Variants in PREX1 observed in about 807,000 individuals in gnomAD.
PREX1 encodes the protein phosphatidylinositol-3,4,5-trisphosphate dependent Rac exchange factor 1, also known as phosphatidylinositol 3,4,5-trisphosphate-dependent Rac exchanger 1 protein.
Under a neutral mutation model 198.3 loss-of-function variants are expected in PREX1, and 41 were observed. The ratio of observed to expected loss-of-function variants is 0.21; its 90% CI spans 0.16 to 0.27. PREX1 has a LOEUF of 0.27. Among genes scored for constraint, PREX1 ranks in the 10% least tolerant of loss-of-function variants. The pLI, the probability that PREX1 is intolerant of heterozygous loss-of-function variation, is 1.00. For synonymous variants in PREX1, 843 were observed against 887.2 expected (o/e 0.95, Z 0.89); for missense variants, 1,620 against 2,200.7 (o/e 0.74, Z 5.28).
chr20:48,736,763 G>T (rs949297675), intron 3 of PREX1, among the ~76,000 whole-genome samples: 2 of 152,190 alleles, frequency 1.3e-5, no homozygotes, highest in Admixed American at 1.3e-4. Context: ...CTATTTTGTT[G>T]TAGGTGACAG....
the PREX1 span, among the ~76,000 whole-genome samples, chr20:48,873,154 T>C: frequency 7.9e-5 from 12 of 152,294 alleles, no homozygotes; most frequent in East Asian, 1.2e-3. Context: ...TTGGGACTTG[T>C]GGGCTACTCA....
intron 35 of PREX1, among the ~76,000 whole-genome samples, chr20:48,631,301 G>A (rs1374717439): frequency 6.6e-6 from 1 of 152,244 alleles, no homozygotes; most frequent in African/African-American, 2.4e-5. Context: ...ATGAGTGAAT[G>A]CAGGTGTGCT....
At chr20:48,843,838 T>G in the PREX1 span, among the ~76,000 whole-genome samples, 20 of 152,178 alleles carry the variant, frequency 1.3e-4, no homozygotes, top group Non-Finnish European at 2.5e-4. Flanking sequence ...AAATTTGGAC[T>G]GCCAAGTCCA....
At chr20:48,720,621 T>G (rs981695505) in intron 5 of PREX1, among the ~76,000 whole-genome samples, 2 of 152,056 alleles carry the variant, frequency 1.3e-5, no homozygotes, top group African/African-American at 4.8e-5. Context: ...CCATCCTACA[T>G]AAAGTCTGCT....
chr20:48,743,429 G>A (rs192651143), intron 3 of PREX1, among the ~76,000 whole-genome samples: 4 of 152,186 alleles, frequency 2.6e-5, no homozygotes, highest in African/African-American at 4.8e-5. Context: ...CCTCTTAGAT[G>A]TCTCCCGGCT....
chr20:48,631,153 C>G (rs561465463), intron 35 of PREX1, among the ~76,000 whole-genome samples: 13 of 152,310 alleles, frequency 8.5e-5, no homozygotes, highest in African/African-American at 2.6e-4. Context: ...TCGTCTCCCC[C>G]TCCAGAACAG....
intron 39 of PREX1, among the ~76,000 whole-genome samples, chr20:48,627,345 G>C (rs1440939774): frequency 6.6e-6 from 1 of 152,016 alleles, no homozygotes; most frequent in Non-Finnish European, 1.5e-5. Context: ...CGGCACACCT[G>C]GGGGCTCATC....
At chr20:48,642,129 C>T (rs1275650803) in intron 29 of PREX1, 39 bp downstream of exon 29, 2 of 1,592,062 alleles carry the variant, frequency 1.3e-6, no homozygotes, top group Non-Finnish European at 1.7e-6. Context: ...ACACCCTTCC[C>T]CATCGCAGGC....
At chr20:48,671,029 T>A (rs2089671827) in intron 14 of PREX1, among the ~76,000 whole-genome samples, 1 of 152,174 alleles carries the variant, frequency 6.6e-6, no homozygotes, top group African/African-American at 2.4e-5. Flanking sequence ...GCCCACCTCA[T>A]CCTCAGAGTT....
At chr20:48,636,743 A>AC (rs2089368535) in intron 31 of PREX1, 60 bp from the exon 32 acceptor site, 7 of 1,432,732 alleles carry the variant, frequency 4.9e-6, no homozygotes, top group Non-Finnish European at 6.6e-6. Flanking sequence ...CAGGAGGCCC[A>AC]CCCCCCAAAA....
intron 1 of PREX1, among the ~76,000 whole-genome samples, chr20:48,808,500 C>T (rs1163475620): frequency 2.0e-5 from 3 of 152,176 alleles, no homozygotes; most frequent in Non-Finnish European, 2.9e-5. Flanking sequence ...CTCTCCTGCC[C>T]GGGCTGCTGT....
intron 4 of PREX1, among the ~76,000 whole-genome samples, chr20:48,728,351 T>C (rs546059886): frequency 6.6e-6 from 1 of 152,354 alleles, no homozygotes; most frequent in Non-Finnish European, 1.5e-5. Context: ...GAAATAAGCA[T>C]GGACCACTGT....
At chr20:48,635,240 G>A (rs968596781) in intron 32 of PREX1, among the ~76,000 whole-genome samples, 3 of 151,944 alleles carry the variant, frequency 2.0e-5, no homozygotes, top group African/African-American at 7.3e-5. Flanking sequence ...CTGATGGGGT[G>A]ACACTAAAAC....
intron 10 of PREX1, among the ~76,000 whole-genome samples, chr20:48,687,182 G>A (rs2089790130): frequency 6.6e-6 from 1 of 152,190 alleles, no homozygotes. Flanking sequence ...TCTCCCATGT[G>A]TAGGTCCCCA....
At chr20:48,776,577 C>T (rs978289803) in intron 1 of PREX1, among the ~76,000 whole-genome samples, 1 of 152,190 alleles carries the variant, frequency 6.6e-6, no homozygotes, top group Non-Finnish European at 1.5e-5. Context: ...CACAGGCCCT[C>T]GGAAAACCCA....
At chr20:48,724,490 C>T (rs1357072723) in intron 5 of PREX1, among the ~76,000 whole-genome samples, 2 of 152,306 alleles carry the variant, frequency 1.3e-5, no homozygotes, top group East Asian at 3.9e-4. Flanking sequence ...ATGGCTGCAA[C>T]GGCTGACTCT....
At position 48,827,258 on chromosome 20, in the gene PREX1, G is replaced by T. The variant is rs989892989; in HGVS notation, c.219+384C>A. ...ATGTCCTAGATGAGTGGTGCACCGG[G>T]CGCGTAGTTATTCCTGGGAAAAAGA... is the stretch of plus-strand genomic sequence containing the variant. On this transcript the variant is annotated intron_variant, in intron 1 of 39. Coordinates refer to ENST00000371941, the MANE Select transcript of PREX1 (RefSeq NM_020820.4). The surrounding 1 kb of genome is among the most constrained non-coding windows in gnomAD (Gnocchi z 4.1). Among the ~76,000 whole-genome samples the T allele has an allele frequency of 1.3e-5, 2 of 152,378 alleles. No individual in the cohort carries two copies. Among genetic ancestry groups the T allele is most frequent in the Admixed American group, 6.5e-5 (1 of 15,312 alleles).
At chr20:48,870,981 A>G in the PREX1 span, among the ~76,000 whole-genome samples, 1 of 30,722 alleles carries the variant, frequency 3.3e-5, no homozygotes, top group Non-Finnish European at 6.4e-5. Context: ...AAAAAAAACC[A>G]TATTTACTTC....
intron 25 of PREX1, among the ~76,000 whole-genome samples, chr20:48,648,103 C>T (rs2089464764): frequency 2.0e-5 from 3 of 152,026 alleles, no homozygotes; most frequent in Admixed American, 2.0e-4. Flanking sequence ...GATAGGGTTT[C>T]ACTACGTTGC....
Sources: allele counts gnomAD v4.1 joint callset (sites outside exome capture counted in the v4.1 genomes callset), GRCh38; gene constraint gnomAD v4.1.1; non-coding constraint Gnocchi (gnomAD v3.1); transcripts MANE v1.5; gene names NCBI Gene and HGNC (gene_info 2026-07-23, HGNC 2026-07-21).